Variants in NRP2 observed in about 807,000 individuals in gnomAD.
The protein encoded by NRP2 is neuropilin 2, also known as neuropilin-2.
Under a neutral mutation model 110.4 loss-of-function variants are expected in NRP2, and 52 were observed. That is an observed-to-expected ratio of 0.47 (90% CI 0.38 to 0.59). NRP2 has a LOEUF of 0.59. Among genes scored for constraint, NRP2 ranks in the 20% least tolerant of loss-of-function variants. The pLI is 0.00. For missense variants in NRP2, 1,049 were observed against 1,203.0 expected, an observed-to-expected ratio of 0.87 and a Z score of 1.89; for synonymous variants, 508 against 468.9, an observed-to-expected ratio of 1.08 and a Z score of -1.08.
chr2:205,765,574 T>A lies in NRP2; in HGVS notation c.2404+4T>A. 1 of 1,604,878 alleles carries A rather than the reference T, an allele frequency of 6.2e-7. No individual in the cohort carries two copies. Among genetic ancestry groups the A allele is most frequent in the Non-Finnish European group, 8.5e-7 (1 of 1,171,586 alleles). ...GTCCCACTGGAGAACTGCATGGGTA[T>A]GTGAATATCTGTCTCTTCATGGTTC... On this transcript the variant is annotated splice_donor_region_variant and intron_variant, in intron 14 of 16. Transcript: ENST00000357785.
chr2:205,731,566 T>C lies in NRP2; in HGVS notation c.1146+3520T>C, dbSNP rs80093541. Among the ~76,000 whole-genome samples the C allele has an allele frequency of 2.7e-3, 417 of 152,310 alleles. 15 individuals are homozygous for C. The East Asian group carries it at 0.071, about 26-fold the overall frequency. On this transcript the variant is annotated intron_variant, in intron 7 of 16. Coordinates refer to ENST00000357785, the MANE Select transcript of NRP2 (RefSeq NM_003872.3). ...ACACGGGGGAGAGAGACTACTGCCC[T>C]TATTTGTCTAGGCAAAAGCCCTTAT... is the stretch of plus-strand genomic sequence containing the variant.
At position 205,725,137 on chromosome 2, in the gene NRP2, T is replaced by C. The variant is rs542141174; in HGVS notation, c.821-776T>C. Among the ~76,000 whole-genome samples, 3 of 152,266 alleles carry C rather than the reference T, an allele frequency of 2.0e-5. No individual in the cohort carries two copies. The South Asian group carries it at 6.2e-4, about 32-fold the overall frequency. ...TTTTTCATCAAAGAGCTTCTGAAGA[T>C]TGAGTGACAAAGAAACAGTATGGCA... On this transcript the variant is annotated intron_variant, in intron 5 of 16. Transcript: ENST00000357785. This position sits in a 1 kb window ranked among gnomAD's most constrained non-coding sequence, Gnocchi z 4.1.
intron 8 of NRP2, among the ~76,000 whole-genome samples, chr2:205,740,913 A>G (rs532982447): frequency 6.6e-6 from 1 of 152,354 alleles, no homozygotes; most frequent in Admixed American, 6.5e-5. Flanking sequence ...CTAAGCACCT[A>G]AGATGTAACA....
intron 1 of NRP2, among the ~76,000 whole-genome samples, chr2:205,694,487 G>A (rs543118372): frequency 1.0e-3 from 159 of 152,300 alleles, no homozygotes; most frequent in African/African-American, 3.6e-3. Context: ...CCAGGTGAAA[G>A]GTATTCACAA....
At chr2:205,700,598 C>A (rs913384444) in intron 2 of NRP2, 2 of 411,492 alleles carry the variant, frequency 4.9e-6, no homozygotes, top group African/African-American at 2.0e-5. Flanking sequence ...GGGCCCTTGG[C>A]TCCCTGTATA....
At chr2:205,778,994 G>T (rs187189510) in intron 15 of NRP2, 1 of 152,160 alleles carries the variant, frequency 6.6e-6, no homozygotes, top group African/African-American at 2.4e-5. Context: ...GCCATGCTTC[G>T]CAGCTTCAAA....
At chr2:205,772,859 C>A (rs974929225) in intron 15 of NRP2, among the ~76,000 whole-genome samples, 1 of 152,232 alleles carries the variant, frequency 6.6e-6, no homozygotes, top group African/African-American at 2.4e-5. Flanking sequence ...GCACCTTTTT[C>A]TAATTTCCCA....
intron 3 of NRP2, among the ~76,000 whole-genome samples, chr2:205,717,754 A>G (rs1394708960): frequency 6.6e-6 from 1 of 152,184 alleles, no homozygotes; most frequent in African/African-American, 2.4e-5. Context: ...AATTCAGATC[A>G]ATGCCACCAG....
intron 7 of NRP2, among the ~76,000 whole-genome samples, chr2:205,732,144 C>T (rs900440337): frequency 1.3e-5 from 2 of 152,140 alleles, no homozygotes; most frequent in Non-Finnish European, 2.9e-5. Flanking sequence ...AAAGCCTCCT[C>T]TTCAGTGAAG....
chr2:205,793,935 A>G (rs2105978333), intron 16 of NRP2, among the ~76,000 whole-genome samples: 1 of 152,172 alleles, frequency 6.6e-6, no homozygotes, highest in South Asian at 2.1e-4. Flanking sequence ...GGAATACCAA[A>G]TTAGGAAACT....
intron 15 of NRP2, chr2:205,776,448 C>A: frequency 6.2e-7 from 1 of 1,613,218 alleles, no homozygotes; most frequent in Admixed American, 1.7e-5. Context: ...AAACCTCCCA[C>A]TACACCAACG....
intron 2 of NRP2, among the ~76,000 whole-genome samples, chr2:205,713,133 T>G (rs2056831164): frequency 6.6e-6 from 1 of 152,184 alleles, no homozygotes. Flanking sequence ...GCAGCCCTGC[T>G]TCATTGCTGA....
Position 205,752,959 on chromosome 2 carries a change from C to A in NRP2, c.2028C>A (p.Asn676Lys). Residue 676 changes from asparagine (N) to lysine (K), a missense_variant, in exon 12 of 17, where the codon AAC becomes AAA. By Grantham distance (94) the Asn-to-Lys change is moderately conservative. Coordinates refer to ENST00000357785, the MANE Select transcript of NRP2 (RefSeq NM_003872.3). ...RTTWASSSSP[N>K]DRTFPDDRNF... ...CCTGGGCCAGCAGCTCCAGCCCAAA[C>A]GACCGGACGTTTCCAGGTAAGCCAG... 6.2e-7 allele frequency: 1 copy of A among 1,613,668 alleles called. No individual in the cohort carries two copies. Among genetic ancestry groups the A allele is most frequent in the South Asian group, 1.1e-5 (1 of 91,054 alleles).
intron 2 of NRP2, among the ~76,000 whole-genome samples, chr2:205,701,870 T>A (rs994746352): frequency 6.6e-6 from 1 of 152,224 alleles, no homozygotes; most frequent in Non-Finnish European, 1.5e-5. Context: ...CACTTCCCTG[T>A]CTTTTTAAAA....
At chr2:205,776,254 C>T (rs1266482022) in intron 15 of NRP2, 5 of 1,612,844 alleles carry the variant, frequency 3.1e-6, no homozygotes, top group Non-Finnish European at 4.2e-6. Context: ...AGGGGGCACC[C>T]TCCTGCCAGG....
At chr2:205,730,003 G>A (rs1472663341) in intron 7 of NRP2, among the ~76,000 whole-genome samples, 5 of 152,096 alleles carry the variant, frequency 3.3e-5, no homozygotes, top group African/African-American at 4.8e-5. Flanking sequence ...AAATGGAGTT[G>A]GGGCAGAGGA....
chr2:205,733,330 C>G (rs969385731), intron 7 of NRP2, among the ~76,000 whole-genome samples: 1 of 152,282 alleles, frequency 6.6e-6, no homozygotes. Flanking sequence ...TCCAAGGCCC[C>G]GGCTGTGCAC....
intron 1 of NRP2, among the ~76,000 whole-genome samples, chr2:205,695,686 T>C (rs2056408916): frequency 6.6e-6 from 1 of 152,114 alleles, no homozygotes; most frequent in Non-Finnish European, 1.5e-5. Flanking sequence ...CGGTAGAAAA[T>C]TCCCCCTTCT....
At chr2:205,740,041 A>G (rs2057412565) in intron 7 of NRP2, 1 of 262,958 alleles carries the variant, frequency 3.8e-6, no homozygotes, top group African/African-American at 2.3e-5. Flanking sequence ...GATGGCATCA[A>G]GTAACTAACA....
Sources: gnomAD v4.1 joint callset for allele counts (sites outside exome capture counted in the v4.1 genomes callset) on GRCh38, gnomAD v4.1.1 for gene constraint, Gnocchi (gnomAD v3.1) non-coding constraint, MANE v1.5 for transcripts, NCBI Gene and HGNC (gene_info 2026-07-23, HGNC 2026-07-21) for gene names.